TARS3: variants seen among roughly 807,000 people sequenced by gnomAD.
The protein encoded by TARS3 is threonine--tRNA ligase 2, cytoplasmic.
Under a neutral mutation model 103.5 loss-of-function variants are expected in TARS3, and 94 were observed. That is an observed-to-expected ratio of 0.91 (90% CI 0.77 to 1.08). The LOEUF is 1.08. Ranked by LOEUF, TARS3 falls within the 50% of genes least tolerant of loss-of-function variation. The pLI, the probability that TARS3 is intolerant of heterozygous loss-of-function variation, is 0.00. For missense variants in TARS3, 952 were observed against 995.2 expected (o/e 0.96, Z 0.58); for synonymous variants, 416 against 355.4 (o/e 1.17, Z -1.92).
intron 12 of TARS3, among the ~76,000 whole-genome samples, chr15:101,678,884 G>C (rs1036677893): frequency 6.6e-6 from 1 of 152,058 alleles, no homozygotes; most frequent in Non-Finnish European, 1.5e-5. Flanking sequence ...AATTGCTGAA[G>C]GGTATTTTCT....
At chr15:101,660,630 C>T (rs773215838) in intron 16 of TARS3, among the ~76,000 whole-genome samples, 1 of 152,190 alleles carries the variant, frequency 6.6e-6, no homozygotes, top group Non-Finnish European at 1.5e-5. Flanking sequence ...ACGTAATCAA[C>T]CTGCTACAAG....
intron 16 of TARS3, among the ~76,000 whole-genome samples, chr15:101,658,379 A>C (rs1897258285): frequency 6.6e-6 from 1 of 151,584 alleles, no homozygotes; most frequent in African/African-American, 2.4e-5. Context: ...ATGGCTCTTA[A>C]GGGAATTCCA....
chr15:101,655,255 G>C (rs1408253135), intron 18 of TARS3, among the ~76,000 whole-genome samples: 18 of 125,290 alleles, frequency 1.4e-4, no homozygotes, highest in Admixed American at 1.7e-4. Context: ...CAAATGAGAG[G>C]GGGGAGCTCT....
At position 101,724,224 on chromosome 15, in the gene TARS3, G is replaced by T. The variant is rs1485553708; in HGVS notation, c.164C>A (p.Ala55Glu). 6.5e-7 allele frequency: 1 copy of T among 1,542,194 alleles called. No homozygotes were observed. The highest frequency in any genetic ancestry group is 8.7e-7 in the Non-Finnish European group (1 of 1,151,428). The change falls in exon 1 of 19, where the codon GCG becomes GAG. Residue 55 changes from alanine to glutamate, a missense_variant. This residue lies in a region of TARS3 where 412 missense variants were observed against 364.2 expected (regional missense o/e 1.13). Transcript: ENST00000335968. ...AEGPCLTREVAQLRAENCDLR... is the reference protein window; with the variant it reads ...AEGPCLTREVEQLRAENCDLR... ...GTCGCAGTTCTCGGCCCGGAGCTGC[G>T]CCACCTCCCGCGTGAGGCACGGCCC...
intron 10 of TARS3, among the ~76,000 whole-genome samples, chr15:101,697,421 T>C (rs1316938388): frequency 3.3e-5 from 5 of 152,124 alleles, no homozygotes; most frequent in African/African-American, 1.2e-4. Flanking sequence ...TGGACTTAGC[T>C]GGGGAGACGT....
chr15:101,723,196 A>G (rs1900578247), intron 1 of TARS3, 32 bp from the exon 2 acceptor site: 1 of 1,589,302 alleles, frequency 6.3e-7, no homozygotes, highest in Non-Finnish European at 8.6e-7. Flanking sequence ...ACTCACATCA[A>G]TGGCAAGAAA....
intron 11 of TARS3, among the ~76,000 whole-genome samples, chr15:101,684,673 G>A (rs1230169560): frequency 6.6e-6 from 1 of 152,114 alleles, no homozygotes; most frequent in East Asian, 1.9e-4. Context: ...TGCCCACTCT[G>A]CTCATGAGTT....
chr15:101,704,295 A>G (rs1343524606), intron 7 of TARS3, among the ~76,000 whole-genome samples: 3 of 152,222 alleles, frequency 2.0e-5, no homozygotes, highest in African/African-American at 7.2e-5. Context: ...GCTTGTAAAC[A>G]ACACTCAGAT....
chr15:101,721,309 G>A lies in TARS3; in HGVS notation c.383C>T (p.Pro128Leu), dbSNP rs375474149. ...SEADSEVKHQ[P>L]IFIKERLKLF... ...CTTCAATCTTTCTTTTATGAAAATTGGTTGATGCTTCACCTGGAAATTATT... is the reference window on the plus strand; with the variant it reads ...CTTCAATCTTTCTTTTATGAAAATTAGTTGATGCTTCACCTGGAAATTATT... The change falls in exon 3 of 19, where the codon CCA (proline) becomes CTA (leucine). Residue 128 changes from proline to leucine, a missense_variant. Pro to Leu is a moderately conservative substitution (Grantham distance 98). Around this residue, in one of 2 missense-constraint regions of TARS3, gnomAD observed 412 missense variants for 364.2 expected, o/e 1.13. Coordinates refer to ENST00000335968, the MANE Select transcript of TARS3 (RefSeq NM_152334.3). 47 of 1,609,472 alleles carry A rather than the reference G, an allele frequency of 2.9e-5. No individual in the cohort carries two copies. Among genetic ancestry groups the A allele is most frequent in the Non-Finnish European group, 3.9e-5 (46 of 1,176,244 alleles).
intron 10 of TARS3, among the ~76,000 whole-genome samples, chr15:101,700,857 G>T (rs1899234727): frequency 6.6e-6 from 1 of 152,114 alleles, no homozygotes; most frequent in South Asian, 2.1e-4. Context: ...GGCCAGGCTG[G>T]TCTCGAACTC....
chr15:101,675,439 G>A (rs1380255559), intron 13 of TARS3, among the ~76,000 whole-genome samples, 161 bp downstream of exon 13: 1 of 152,176 alleles, frequency 6.6e-6, no homozygotes, highest in Non-Finnish European at 1.5e-5. Flanking sequence ...CCGTCACAAA[G>A]ATAATGGGAT....
chr15:101,710,790 G>A (rs562204804), intron 5 of TARS3, among the ~76,000 whole-genome samples: 1 of 152,306 alleles, frequency 6.6e-6, no homozygotes, highest in Admixed American at 6.5e-5. Context: ...GAGATGCCAT[G>A]GGGCTAACTT....
Position 101,654,640 on chromosome 15 carries a change from A to G in TARS3, c.2351T>C (p.Ile784Thr). ...CTTCCTGAGATTCTTCAGTTTATCAATGGCAGAAGTTACTAAAATCTCTCC... is the reference window on the plus strand; with the variant it reads ...CTTCCTGAGATTCTTCAGTTTATCAGTGGCAGAAGTTACTAAAATCTCTCC... Reference protein sequence around the residue: ...IHGEILVTSAIDKLKNLRKTR... With the variant: ...IHGEILVTSATDKLKNLRKTR... The change falls in exon 19 of 19, where the codon ATT (isoleucine) becomes ACT (threonine). Residue 784 changes from isoleucine (I) to threonine (T), a missense_variant. Physicochemically the swap from Ile to Thr is moderately conservative, Grantham distance 89 (BLOSUM62 -1). Coordinates refer to ENST00000335968, the MANE Select transcript of TARS3 (RefSeq NM_152334.3). 6.2e-7 allele frequency: 1 copy of G among 1,614,190 alleles called. No individual in the cohort carries two copies. Among genetic ancestry groups the G allele is most frequent in the Non-Finnish European group, 8.5e-7 (1 of 1,180,012 alleles).
At chr15:101,656,604 A>G (rs1428746267) in intron 18 of TARS3, among the ~76,000 whole-genome samples, 1 of 152,230 alleles carries the variant, frequency 6.6e-6, no homozygotes, top group Non-Finnish European at 1.5e-5. Context: ...CAGGCCTGTG[A>G]GGCTGAAATA....
At chr15:101,694,943 A>AG (rs1192763677) in intron 10 of TARS3, among the ~76,000 whole-genome samples, 2 of 152,184 alleles carry the variant, frequency 1.3e-5, no homozygotes, top group Non-Finnish European at 2.9e-5. Flanking sequence ...TAAGTGTAGG[A>AG]TGATGACAAA....
chr15:101,692,960 G>T (rs1226520045), intron 10 of TARS3, among the ~76,000 whole-genome samples: 2 of 151,828 alleles, frequency 1.3e-5, no homozygotes, highest in African/African-American at 4.8e-5. Context: ...CCCCAAGTGG[G>T]TTATTAATAT....
chr15:101,670,650 C>T lies in TARS3; in HGVS notation c.1967+836G>A, dbSNP rs574946308. Among the ~76,000 whole-genome samples, 8 of 152,210 alleles carry T rather than the reference C, an allele frequency of 5.3e-5. No individual in the cohort carries two copies. In the East Asian group the frequency reaches 1.5e-3, roughly 29 times the overall value. ...GTTAAATATTTAATTATCATATGAC[C>T]CATTCCCAGTTATTTAACCTAAAGA... On this transcript the variant is annotated intron_variant, in intron 15 of 18. Transcript: ENST00000335968.
intron 15 of TARS3, among the ~76,000 whole-genome samples, chr15:101,665,609 A>G (rs537888925): frequency 1.3e-5 from 2 of 152,340 alleles, no homozygotes; most frequent in East Asian, 3.9e-4. Context: ...TACAGTGTAG[A>G]TGACAGGAAA....
intron 3 of TARS3, among the ~76,000 whole-genome samples, chr15:101,715,186 G>A (rs1398153590): frequency 7.0e-6 from 1 of 142,468 alleles, no homozygotes; most frequent in Non-Finnish European, 1.5e-5. Context: ...TCGCTCTGTC[G>A]CCCAGGCTGG....
Sources: allele counts gnomAD v4.1 joint callset (sites outside exome capture counted in the v4.1 genomes callset), GRCh38; gene constraint gnomAD v4.1.1; regional missense constraint gnomAD v4.1.1; transcripts MANE v1.5; gene names NCBI Gene and HGNC (gene_info 2026-07-23, HGNC 2026-07-21).